ACSBG2: variants seen among roughly 807,000 people sequenced by gnomAD.
The protein encoded by ACSBG2 is long-chain-fatty-acid--CoA ligase ACSBG2.
In ACSBG2, 62 loss-of-function variants were observed where a neutral mutation model predicts 74.7. That is an observed-to-expected ratio of 0.83 (90% CI 0.68 to 1.03). The LOEUF (loss-of-function observed/expected upper bound fraction) is 1.03. Among genes scored for constraint, ACSBG2 ranks in the 50% least tolerant of loss-of-function variants. ACSBG2 has a pLI of 0.00. For synonymous variants in ACSBG2, 309 were observed against 294.1 expected, an observed-to-expected ratio of 1.05 and a Z score of -0.52; for missense variants, 730 against 817.6, an observed-to-expected ratio of 0.89 and a Z score of 1.31.
At chr19:6,148,606 T>C (rs1001809065) in intron 3 of ACSBG2, among the ~76,000 whole-genome samples, 2 of 151,266 alleles carry the variant, frequency 1.3e-5, no homozygotes, top group African/African-American at 4.9e-5. Flanking sequence ...GATTGCACCA[T>C]TGCACTCTAG....
chr19:6,154,858 T>C (rs755844331), intron 4 of ACSBG2, among the ~76,000 whole-genome samples: 2 of 152,178 alleles, frequency 1.3e-5, no homozygotes, highest in Non-Finnish European at 2.9e-5. Flanking sequence ...TAGGACTGAA[T>C]GGTAAGACAG....
chr19:6,168,637 C>T (rs1345557216), intron 7 of ACSBG2, among the ~76,000 whole-genome samples: 2 of 152,146 alleles, frequency 1.3e-5, no homozygotes, highest in African/African-American at 4.8e-5. Flanking sequence ...AGTATTTATG[C>T]TCCTAGTGGC....
At chr19:6,167,138 T>C (rs2089831757) in intron 7 of ACSBG2, among the ~76,000 whole-genome samples, 1 of 152,160 alleles carries the variant, frequency 6.6e-6, no homozygotes, top group Admixed American at 6.5e-5. Context: ...AAATGAAGAA[T>C]TTCTATAAAA....
chr19:6,156,268 TTTG>T (rs1294970731), intron 4 of ACSBG2, among the ~76,000 whole-genome samples, 160 bp from the exon 5 acceptor site: 3 of 152,198 alleles, frequency 2.0e-5, no homozygotes, highest in Admixed American at 6.5e-5. Context: ...CATTGTCATT[TTTG>T]TTGTCTTCAT....
intron 11 of ACSBG2, among the ~76,000 whole-genome samples, chr19:6,186,790 A>G (rs2090419628): frequency 6.6e-6 from 1 of 151,956 alleles, no homozygotes; most frequent in African/African-American, 2.4e-5. Context: ...CTGTGGCCTC[A>G]ACTTCCCAGG....
In ACSBG2 at chr19:6,183,226, T is replaced by C. The variant is rs760464302; in HGVS notation, c.1276T>C (p.Ser426Pro). The C allele has an allele frequency of 5.6e-6, 9 of 1,613,932 alleles. No individual in the cohort carries two copies. In the African/African-American group the frequency reaches 1.1e-4, roughly 19 times the overall value. Residue 426 changes from serine to proline, a missense_variant, in exon 10 of 15, where the codon TCG (serine) becomes CCG (proline). By Grantham distance (74) the Ser-to-Pro change is moderately conservative (BLOSUM62 -1). Coordinates refer to ENST00000588485, the MANE Select transcript of ACSBG2 (RefSeq NM_030924.5). ...IGELYGLSES[S>P]GPHTISNQNN... ...CGAGTTGTATGGGTTGAGTGAGAGC[T>C]CGGGACCCCACACGATATCCAACCA...
intron 7 of ACSBG2, among the ~76,000 whole-genome samples, chr19:6,176,822 G>A (rs1392317680): frequency 2.0e-5 from 3 of 152,086 alleles, no homozygotes; most frequent in Non-Finnish European, 4.4e-5. Flanking sequence ...CTTTATAAGT[G>A]TTTACTTAAT....
At chr19:6,139,822 T>TGGGTGGCTC (rs2088749666) in intron 1 of ACSBG2, among the ~76,000 whole-genome samples, 1 of 152,176 alleles carries the variant, frequency 6.6e-6, no homozygotes, top group Non-Finnish European at 1.5e-5. Flanking sequence ...CTCACACCTG[T>TGGGTGGCTC]AATCCCAGCA....
At chr19:6,156,978 G>A (rs911526078) in intron 5 of ACSBG2, among the ~76,000 whole-genome samples, 2 of 150,624 alleles carry the variant, frequency 1.3e-5, no homozygotes, top group African/African-American at 4.9e-5. Flanking sequence ...ACAGAGTCTC[G>A]CTCTGTCGCC....
chr19:6,179,175 C>T (rs1266591289), intron 8 of ACSBG2, among the ~76,000 whole-genome samples: 1 of 152,110 alleles, frequency 6.6e-6, no homozygotes, highest in Non-Finnish European at 1.5e-5. Flanking sequence ...GGTTGGATCC[C>T]CTATTTTCTG....
chr19:6,192,408 C>T (rs1568263806), intron 14 of ACSBG2, among the ~76,000 whole-genome samples: 4 of 152,188 alleles, frequency 2.6e-5, no homozygotes, highest in Admixed American at 1.3e-4. Context: ...CAAGTGTGAG[C>T]CACTGTGCCT....
chr19:6,185,179 G>A (rs1376404309), intron 10 of ACSBG2, among the ~76,000 whole-genome samples: 2 of 152,002 alleles, frequency 1.3e-5, no homozygotes, highest in South Asian at 2.1e-4. Flanking sequence ...TTCCCTCCTC[G>A]GCTTTCCAAA....
chr19:6,158,184 T>C (rs887623933), intron 5 of ACSBG2, among the ~76,000 whole-genome samples: 1 of 151,824 alleles, frequency 6.6e-6, no homozygotes, highest in Non-Finnish European at 1.5e-5. Context: ...GCCTCCCGAG[T>C]AGCTGGGACT....
At chr19:6,173,250 G>T (rs1046190842) in intron 7 of ACSBG2, among the ~76,000 whole-genome samples, 1 of 152,136 alleles carries the variant, frequency 6.6e-6, no homozygotes, top group African/African-American at 2.4e-5. Context: ...GCGTTGTGGG[G>T]TATGTTTGTG....
At chr19:6,173,594 C>CAGGAA in intron 7 of ACSBG2, among the ~76,000 whole-genome samples, 1 of 152,276 alleles carries the variant, frequency 6.6e-6, no homozygotes, top group Non-Finnish European at 1.5e-5. Context: ...CAGGCCCTTG[C>CAGGAA]AGCTTTCCTT....
At chr19:6,167,105 T>TC (rs1259850441) in intron 7 of ACSBG2, among the ~76,000 whole-genome samples, 3 of 152,176 alleles carry the variant, frequency 2.0e-5, no homozygotes, top group African/African-American at 7.2e-5. Context: ...GTGCATGCAA[T>TC]CACACCTGGC....
At chr19:6,147,178 C>T (rs967290646) in intron 2 of ACSBG2, among the ~76,000 whole-genome samples, 1 of 151,942 alleles carries the variant, frequency 6.6e-6, no homozygotes, top group Non-Finnish European at 1.5e-5. Context: ...TATGGTAAAA[C>T]GCTAGCAGTT....
Position 6,159,908 on chromosome 19 carries a change from T to C in ACSBG2, c.508-1307T>C, listed in dbSNP as rs11666091. On this transcript the variant is annotated intron_variant, in intron 5 of 14. Transcript: ENST00000588485. ...CTGCCCCAGGCTCCTTGAATGTCTGTTTCTTCTTCTCTCTGGAAAACTCCT... is the reference window on the plus strand; with the variant it reads ...CTGCCCCAGGCTCCTTGAATGTCTGCTTCTTCTTCTCTCTGGAAAACTCCT... Among the ~76,000 whole-genome samples, 608 of 152,250 alleles carry C rather than the reference T, an allele frequency of 4.0e-3. 3 individuals carry two copies. Among genetic ancestry groups the C allele is most frequent in the Non-Finnish European group, 6.7e-3 (458 of 68,028 alleles).
At position 6,147,516 on chromosome 19, in the gene ACSBG2, C is replaced by G. The variant is rs1188230090; in HGVS notation, c.138C>G (p.Gly46=). The G allele has an allele frequency of 6.2e-7, 1 of 1,614,214 alleles. No individual in the cohort carries two copies. The part of the protein sequence containing the change: ...VLLRLSKHGP[G]HETPMTIPEF... Reference sequence around the variant, plus strand: ...TGAGGCTATCCAAACACGGACCAGGCCATGAGACCCCGATGACCATCCCTG... The same window carrying G: ...TGAGGCTATCCAAACACGGACCAGGGCATGAGACCCCGATGACCATCCCTG... The change falls in exon 3 of 15, where the codon GGC becomes GGG. Residue 46 remains glycine (G), a synonymous_variant. Transcript: ENST00000588485.
Sources: gnomAD v4.1 joint callset for allele counts (sites outside exome capture counted in the v4.1 genomes callset) on GRCh38, gnomAD v4.1.1 for gene constraint, MANE v1.5 for transcripts, NCBI Gene and HGNC (gene_info 2026-07-23, HGNC 2026-07-21) for gene names.